The following CDK7 variants were observed in gnomAD, a reference collection of about 807,000 sequenced individuals.
CDK7 encodes cyclin dependent kinase 7.
CDK7 carries 25 observed loss-of-function variants against 49.1 expected under a neutral mutation model. The ratio of observed to expected loss-of-function variants is 0.51; its 90% confidence interval spans 0.37 to 0.71. CDK7 has a LOEUF of 0.71. Among genes scored for constraint, CDK7 ranks in the 30% least tolerant of loss-of-function variants. CDK7 has a pLI of 0.00. For synonymous variants in CDK7, 107 were observed against 140.0 expected, an observed-to-expected ratio of 0.76 and a Z score of 1.67; for missense variants, 316 against 411.7, an observed-to-expected ratio of 0.77 and a Z score of 2.01.
At chr5:69,262,125 A>G in intron 7 of CDK7, 80 bp from the exon 8 acceptor site, 2 of 1,575,614 alleles carry the variant, frequency 1.3e-6, no homozygotes, top group Non-Finnish European at 1.7e-6. Flanking sequence ...CAGAAAACAG[A>G]CAAGGATCGT....
At chr5:69,257,909 T>G in intron 5 of CDK7, 134 bp from the exon 6 acceptor site, 1 of 623,804 alleles carries the variant, frequency 1.6e-6, no homozygotes. Context: ...CAGGGCTTCC[T>G]GAGGAAACTT....
intron 11 of CDK7, among the ~76,000 whole-genome samples, 169 bp downstream of exon 11, chr5:69,276,859 TTTCA>T (rs1180875527): frequency 6.6e-6 from 1 of 152,284 alleles, no homozygotes; most frequent in Non-Finnish European, 1.5e-5. Context: ...GTATGTTTAC[TTTCA>T]TTGTGAATAC....
rs191220676 is a variant in CDK7, at chr5:69,265,955, G to A, written c.628-3252G>A. ...ATCAAGAAATTAGCCAGACTTGGTAGTGCATGCCTGTAGTCCCAGCTGCTT... is the reference window on the plus strand; with the variant it reads ...ATCAAGAAATTAGCCAGACTTGGTAATGCATGCCTGTAGTCCCAGCTGCTT... On this transcript the variant is annotated intron_variant, in intron 8 of 11. Transcript: ENST00000256443. Among the ~76,000 whole-genome samples the A allele has an allele frequency of 1.4e-3, 212 of 152,088 alleles. 3 individuals carry two copies. Among genetic ancestry groups the A allele is most frequent in the Non-Finnish European group, 2.5e-4 (17 of 68,006 alleles).
chr5:69,253,329 A>T (rs1282709677), intron 3 of CDK7, among the ~76,000 whole-genome samples: 1 of 152,032 alleles, frequency 6.6e-6, no homozygotes, highest in East Asian at 1.9e-4. Flanking sequence ...CAGTATCGCA[A>T]TCTCGGCTCA....
chr5:69,241,971 A>C (rs1435925578), intron 2 of CDK7, among the ~76,000 whole-genome samples: 2 of 151,806 alleles, frequency 1.3e-5, no homozygotes, highest in Non-Finnish European at 2.9e-5. Context: ...TTACTCTAGA[A>C]CTCTACCCAG....
At chr5:69,267,712 T>C (rs1281940289) in intron 8 of CDK7, among the ~76,000 whole-genome samples, 1 of 152,190 alleles carries the variant, frequency 6.6e-6, no homozygotes, top group African/African-American at 2.4e-5. Flanking sequence ...TTCTCATAAA[T>C]GTCTTTTTAC....
At chr5:69,245,890 G>A (rs1350252262) in intron 2 of CDK7, among the ~76,000 whole-genome samples, 2 of 152,084 alleles carry the variant, frequency 1.3e-5, no homozygotes, top group African/African-American at 4.8e-5. Context: ...GGTATTGGTT[G>A]TAGTGTCCCC....
rs1039569925 is a variant in CDK7, at chr5:69,259,465, G to A, written c.409-353G>A. Among the ~76,000 whole-genome samples, 6 of 152,156 alleles carry A rather than the reference G, an allele frequency of 3.9e-5. No individual in the cohort carries two copies. In the South Asian group the frequency reaches 6.2e-4, roughly 16 times the overall value. ...ATCCTCATTCTTATACATTAACAAC[G>A]TATATTATGAAAGTTCATATTTATT... On this transcript the variant is annotated intron_variant, in intron 6 of 11. Coordinates refer to ENST00000256443, the MANE Select transcript of CDK7 (RefSeq NM_001799.4).
At chr5:69,255,386 A>T (rs1325776284) in intron 4 of CDK7, 74 bp from the exon 5 acceptor site, 4 of 788,014 alleles carry the variant, frequency 5.1e-6, no homozygotes, top group Non-Finnish European at 4.1e-6. Flanking sequence ...TTAAATTTTT[A>T]AAAATTGCCT....
At position 69,244,661 on chromosome 5, in the gene CDK7, C is replaced by T. The variant is rs577267265; in HGVS notation, c.127-7757C>T. On this transcript the variant is annotated intron_variant, in intron 2 of 11. Transcript: ENST00000256443. ...CAAAAAAAAAAAAAAAAAAAAAGAT[C>T]ATATCGTCTACAAACAAGAAGAATT... Among the ~76,000 whole-genome samples, 6 of 141,564 alleles carry T rather than the reference C, an allele frequency of 4.2e-5. No homozygotes were observed. The South Asian group carries it at 1.4e-3, about 33-fold the overall frequency. 92.9% of individuals were successfully genotyped at this position (141,564 alleles called of 152,430 possible). A position where few individuals can be genotyped will look rare whatever the true frequency, so the allele number is the denominator to read the frequency against.
intron 9 of CDK7, among the ~76,000 whole-genome samples, chr5:69,271,211 A>G (rs1341088784): frequency 6.6e-6 from 1 of 152,118 alleles, no homozygotes; most frequent in Non-Finnish European, 1.5e-5. Flanking sequence ...CACTGCTCTA[A>G]TGGTTAATGG....
In CDK7 at chr5:69,236,016, G is replaced by A. The variant is rs990892582; in HGVS notation, c.126+563G>A. ...AGCACTTTGGGAGGCCGAGGTGGGC[G>A]GATCACTTGGGGTCAAGAGATCCAG... On this transcript the variant is annotated intron_variant, in intron 2 of 11. Transcript: ENST00000256443. 1.8e-4 allele frequency among the ~76,000 whole-genome samples: 28 copies of A among 152,132 alleles called. 1 individual carries two copies. The highest frequency in any genetic ancestry group is 1.5e-3 in the Admixed American group (23 of 15,272).
intron 4 of CDK7, among the ~76,000 whole-genome samples, chr5:69,255,234 G>A (rs1223036599): frequency 6.6e-6 from 1 of 152,124 alleles, no homozygotes; most frequent in African/African-American, 2.4e-5. Context: ...GGGGAAAGAG[G>A]TTGGGTATTT....
At chr5:69,252,494 CTTTTTTTTTTTTTTTTT>C (rs138764556) in intron 3 of CDK7, 43 bp downstream of exon 3, 54 of 364,292 alleles carry the variant, frequency 1.5e-4, no homozygotes, top group Non-Finnish European at 1.2e-4. Flanking sequence ...AAGTTTTCTC[CTTTTTTTTTTTTTTTTT>C]TTTTTTTTTT....
chr5:69,235,291 C>G (rs1256635732), intron 1 of CDK7, 103 bp from the exon 2 acceptor site: 2 of 920,048 alleles, frequency 2.2e-6, no homozygotes, highest in Non-Finnish European at 3.5e-6. Flanking sequence ...CGCCGCGAGT[C>G]TGCTCAGGAA....
Position 69,276,683 on chromosome 5 carries a change from A to C in CDK7, c.1005A>C (p.Leu335Phe), listed in dbSNP as rs562575757. 14 of 1,612,656 alleles carry C rather than the reference A, an allele frequency of 8.7e-6. No homozygotes were observed. The South Asian group carries it at 1.3e-4, about 15-fold the overall frequency. The change falls in exon 11 of 12, where the codon TTA becomes TTC. Residue 335 changes from leucine to phenylalanine, a missense_variant. By Grantham distance (22) the Leu-to-Phe change is conservative. Transcript: ENST00000256443. ...LAIKRKRTEA[L>F]EQGGLPKKLI... Reference sequence around the variant, plus strand: ...TAAAAAGGAAAAGAACAGAGGCCTTAGAACAAGGTAAGATTCCCACTTTTA... The same window carrying C: ...TAAAAAGGAAAAGAACAGAGGCCTTCGAACAAGGTAAGATTCCCACTTTTA...
At chr5:69,263,121 C>T (rs144682148) in intron 8 of CDK7, among the ~76,000 whole-genome samples, 255 of 152,204 alleles carry the variant, frequency 1.7e-3, no homozygotes, top group African/African-American at 5.8e-3. Context: ...AAAAAAATCC[C>T]CTGCTTCCCC....
At chr5:69,236,977 T>A (rs1447542314) in intron 2 of CDK7, among the ~76,000 whole-genome samples, 5 of 147,200 alleles carry the variant, frequency 3.4e-5, no homozygotes, top group African/African-American at 1.2e-4. Context: ...TTTTTTTTTT[T>A]TTAACTTTTT....
At chr5:69,272,853 TTTAATCC>T (rs748594869) in intron 9 of CDK7, 32 bp from the exon 10 acceptor site, 1 of 1,423,068 alleles carries the variant, frequency 7.0e-7, no homozygotes, top group East Asian at 2.3e-5. Flanking sequence ...TCTATATGCC[TTTAATCC>T]TTAAGTTTGA....
Sources: gnomAD v4.1 joint callset for allele counts (sites outside exome capture counted in the v4.1 genomes callset) on GRCh38, gnomAD v4.1.1 for gene constraint, MANE v1.5 for transcripts, NCBI Gene and HGNC (gene_info 2026-07-23, HGNC 2026-07-21) for gene names.